The following ORC3 variants were observed in gnomAD, a reference collection of about 807,000 sequenced individuals.
ORC3 encodes the protein origin recognition complex subunit 3.
Under a neutral mutation model 100.7 loss-of-function variants are expected in ORC3, and 78 were observed. The observed-to-expected ratio is 0.77, with a 90% CI of 0.65 to 0.94. ORC3 has a LOEUF of 0.94. ORC3 is among the 40% of genes least tolerant of loss of function. ORC3 has a pLI of 0.00. For synonymous variants in ORC3, 295 were observed against 289.3 expected, an observed-to-expected ratio of 1.02 and a Z score of -0.20; for missense variants, 789 against 823.9, an observed-to-expected ratio of 0.96 and a Z score of 0.52.
intron 16 of ORC3, among the ~76,000 whole-genome samples, chr6:87,661,321 C>T (rs1770159411): frequency 6.6e-6 from 1 of 152,202 alleles, no homozygotes; most frequent in African/African-American, 2.4e-5. Context: ...AAGATGTTAA[C>T]AGTATCTGAG....
intron 11 of ORC3, among the ~76,000 whole-genome samples, chr6:87,631,398 G>A (rs1489401772): frequency 6.6e-6 from 1 of 152,150 alleles, no homozygotes; most frequent in East Asian, 1.9e-4. Context: ...CAGAAAAAGT[G>A]CCTGAAGAAA....
At chr6:87,639,382 T>G (rs573629209) in intron 13 of ORC3, among the ~76,000 whole-genome samples, 11 of 152,178 alleles carry the variant, frequency 7.2e-5, no homozygotes, top group Non-Finnish European at 1.5e-4. Flanking sequence ...ACCCCCACCA[T>G]AGTGGCCTTT....
chr6:87,677,689 T>C, the ORC3 span: 1 of 1,182,898 alleles, frequency 8.5e-7, no homozygotes, highest in Admixed American at 2.4e-5. Context: ...TTTTCTTTCC[T>C]GAACTGAAAT....
At chr6:87,616,645 T>C (rs569210478) in intron 9 of ORC3, among the ~76,000 whole-genome samples, 1 of 152,344 alleles carries the variant, frequency 6.6e-6, no homozygotes, top group South Asian at 2.1e-4. Flanking sequence ...AAGACTTCTA[T>C]TCCAGCAATT....
rs1233201783 is a variant in ORC3, at chr6:87,600,248, G to C, written c.80-1536G>C. Reference sequence around the variant, plus strand: ...GCAGAAATTTAACGTGAACACTCCAGTTGTTACAATAAAATACGTAGCAGT... The same window carrying C: ...GCAGAAATTTAACGTGAACACTCCACTTGTTACAATAAAATACGTAGCAGT... On this transcript the variant is annotated intron_variant, in intron 2 of 19. Transcript: ENST00000392844. Among the ~76,000 whole-genome samples the C allele has an allele frequency of 4.6e-5, 7 of 152,206 alleles. No homozygotes were observed. In the East Asian group the frequency reaches 1.3e-3, roughly 29 times the overall value.
chr6:87,613,471 A>G (rs1583041054), intron 8 of ORC3, among the ~76,000 whole-genome samples: 1 of 152,138 alleles, frequency 6.6e-6, no homozygotes, highest in South Asian at 2.1e-4. Flanking sequence ...ATGTCCTCAC[A>G]TTTCAAAACC....
intron 14 of ORC3, 53 bp from the exon 15 acceptor site, chr6:87,656,853 C>T: frequency 3.2e-6 from 4 of 1,231,298 alleles, no homozygotes; most frequent in East Asian, 2.4e-5. Flanking sequence ...ATGTTTGTTC[C>T]CTTGACTTGG....
intron 13 of ORC3, among the ~76,000 whole-genome samples, chr6:87,644,079 C>CTTTTTTTTTTTTTTTTTTTTTT (rs1156943778): frequency 3.9e-5 from 2 of 51,422 alleles, no homozygotes; most frequent in African/African-American, 1.9e-4. Context: ...GCTGACTGTC[C>CTTTTTTTTTTTTTTTTTTTTTT]TTTTTTTTTT....
intron 11 of ORC3, among the ~76,000 whole-genome samples, chr6:87,623,291 A>G (rs1436745602): frequency 6.6e-6 from 1 of 152,238 alleles, no homozygotes; most frequent in African/African-American, 2.4e-5. Flanking sequence ...GGGCTCAATA[A>G]TCATTTTAGT....
chr6:87,622,829 A>G (rs1005906745), intron 11 of ORC3, among the ~76,000 whole-genome samples: 3 of 152,194 alleles, frequency 2.0e-5, no homozygotes, highest in South Asian at 2.1e-4. Context: ...ATCATTCCAT[A>G]TTAGTACTGA....
At chr6:87,662,941 T>C in intron 16 of ORC3, 62 bp from the exon 17 acceptor site, 2 of 1,088,618 alleles carry the variant, frequency 1.8e-6, no homozygotes, top group Non-Finnish European at 2.5e-6. Flanking sequence ...AATATATATA[T>C]TATATATAAA....
intron 1 of ORC3, 106 bp from the exon 2 acceptor site, chr6:87,594,246 CT>C (rs1777257864): frequency 1.5e-6 from 1 of 680,590 alleles, no homozygotes. Context: ...GTTCTCTCCC[CT>C]AACATCTTTT....
At chr6:87,676,321 T>C in the ORC3 span, among the ~76,000 whole-genome samples, 4,686 of 144,674 alleles carry the variant, frequency 0.032, 245 homozygotes, top group African/African-American at 0.11. Context: ...AAAAATTAGC[T>C]GGGCATGGTG....
intron 13 of ORC3, among the ~76,000 whole-genome samples, chr6:87,646,796 C>G (rs1202024638): frequency 5.3e-5 from 8 of 152,242 alleles, no homozygotes; most frequent in African/African-American, 1.9e-4. Flanking sequence ...GCCTATACCT[C>G]TCTCCTGAGT....
intron 9 of ORC3, among the ~76,000 whole-genome samples, chr6:87,617,730 G>C (rs1436882827): frequency 6.6e-6 from 1 of 152,046 alleles, no homozygotes; most frequent in Non-Finnish European, 1.5e-5. Flanking sequence ...CAAGAGACCT[G>C]TCTCTATAAA....
chr6:87,597,484 G>A (rs1196093995), intron 2 of ORC3, among the ~76,000 whole-genome samples: 1 of 151,916 alleles, frequency 6.6e-6, no homozygotes, highest in Non-Finnish European at 1.5e-5. Context: ...CTCCCCACAG[G>A]GTTATTGAGT....
intron 7 of ORC3, among the ~76,000 whole-genome samples, chr6:87,609,892 C>T (rs1453396125): frequency 6.6e-6 from 1 of 152,058 alleles, no homozygotes; most frequent in Non-Finnish European, 1.5e-5. Flanking sequence ...TGATACCCAT[C>T]CATCCTTAGA....
intron 13 of ORC3, among the ~76,000 whole-genome samples, chr6:87,651,901 C>CT (rs113631905): frequency 0.13 from 17,838 of 142,524 alleles, 1,187 homozygotes; most frequent in African/African-American, 0.17. Context: ...AATATTAGAA[C>CT]TTTTTTTTTT....
Position 87,612,225 on chromosome 6 carries a change from C to T in ORC3, c.850C>T (p.His284Tyr). 5 of 1,609,208 alleles carry T rather than the reference C, an allele frequency of 3.1e-6. No homozygotes were observed. The highest frequency in any genetic ancestry group is 4.2e-6 in the Non-Finnish European group (5 of 1,178,314). The change falls in exon 8 of 20, where the codon CAC becomes TAC. Residue 284 changes from histidine (H) to tyrosine (Y), a missense_variant. By Grantham distance (83) the His-to-Tyr change is moderately conservative. Coordinates refer to ENST00000392844, the MANE Select transcript of ORC3 (RefSeq NM_012381.4). The part of the protein sequence containing the change: ...ELFQSLSCKE[H>Y]LTTVLDKLLL... Reference sequence around the variant, plus strand: ...GTTCCAATCTTTGTCTTGTAAGGAGCACCTGACTACGGTACTCGATAAGGT... The same window carrying T: ...GTTCCAATCTTTGTCTTGTAAGGAGTACCTGACTACGGTACTCGATAAGGT...
Sources: allele counts gnomAD v4.1 joint callset (sites outside exome capture counted in the v4.1 genomes callset), GRCh38; gene constraint gnomAD v4.1.1; transcripts MANE v1.5; gene names NCBI Gene and HGNC (gene_info 2026-07-23, HGNC 2026-07-21).